The following SLMAP variants were observed in gnomAD, a reference collection of about 807,000 sequenced individuals.
The protein encoded by SLMAP is sarcolemmal membrane-associated protein.
SLMAP carries 44 observed loss-of-function variants against 128.8 expected under a neutral mutation model. The observed-to-expected ratio is 0.34, with a 90% CI of 0.27 to 0.44. The LOEUF (loss-of-function observed/expected upper bound fraction) is 0.44. Ranked by LOEUF, SLMAP falls within the 20% of genes least tolerant of loss-of-function variation. SLMAP has a pLI of 1.00. For missense variants in SLMAP, 787 were observed against 985.3 expected (o/e 0.80, Z 2.69); for synonymous variants, 327 against 348.8 (o/e 0.94, Z 0.70).
chr3:57,850,924 GGC>G (rs1308617187), intron 6 of SLMAP, among the ~76,000 whole-genome samples: 2 of 152,142 alleles, frequency 1.3e-5, no homozygotes, highest in African/African-American at 2.4e-5. Context: ...CATGAGCCAT[GGC>G]GCCCGGCCCA....
At chr3:57,876,766 C>G (rs994316494) in intron 14 of SLMAP, among the ~76,000 whole-genome samples, 1 of 152,178 alleles carries the variant, frequency 6.6e-6, no homozygotes, top group South Asian at 2.1e-4. Flanking sequence ...TTAACTTGTA[C>G]GCGTGGTGGA....
At chr3:57,829,191 G>T (rs1351804641) in intron 2 of SLMAP, among the ~76,000 whole-genome samples, 1 of 152,064 alleles carries the variant, frequency 6.6e-6, no homozygotes, top group African/African-American at 2.4e-5. Flanking sequence ...GTATATATAT[G>T]TACATATATT....
At chr3:57,807,564 T>C (rs2090132224) in intron 2 of SLMAP, among the ~76,000 whole-genome samples, 3 of 152,206 alleles carry the variant, frequency 2.0e-5, no homozygotes, top group East Asian at 1.9e-4. Context: ...GTTTTTGTTA[T>C]TGGTTCTGTT....
chr3:57,856,982 G>A (rs888281270), intron 6 of SLMAP, among the ~76,000 whole-genome samples: 1 of 152,030 alleles, frequency 6.6e-6, no homozygotes, highest in African/African-American at 2.4e-5. Flanking sequence ...CTGAAATGTT[G>A]TTTTGTGGTG....
At chr3:57,788,854 T>C (rs1020137109) in intron 2 of SLMAP, among the ~76,000 whole-genome samples, 7 of 150,478 alleles carry the variant, frequency 4.7e-5, no homozygotes, top group African/African-American at 1.7e-4. Context: ...AAGAAGGCAG[T>C]GAGTTAGGGA....
intron 5 of SLMAP, 63 bp from the exon 6 acceptor site, chr3:57,849,691 T>C: frequency 2.3e-6 from 2 of 864,246 alleles, no homozygotes; most frequent in Admixed American, 3.9e-5. Context: ...TTTCAAGAAA[T>C]TGGTTTGTCT....
At position 57,871,625 on chromosome 3, in the gene SLMAP, T is replaced by G. The variant is rs774770185; in HGVS notation, c.1238-11T>G. 6.2e-7 allele frequency: 1 copy of G among 1,609,462 alleles called. No homozygotes were observed. Among genetic ancestry groups the G allele is most frequent in the South Asian group, 1.1e-5 (1 of 90,800 alleles). Reference sequence around the variant, plus strand: ...AAACTATATCCTTAAAGGTGTTTCTTTCTTTATTAGAGCACTTGCTTTCAA... The same window carrying G: ...AAACTATATCCTTAAAGGTGTTTCTGTCTTTATTAGAGCACTTGCTTTCAA... On this transcript the variant is annotated splice_polypyrimidine_tract_variant and intron_variant, in intron 13 of 24. Transcript: ENST00000671191.
At chr3:57,870,451 C>G (rs953403472) in intron 13 of SLMAP, among the ~76,000 whole-genome samples, 7 of 151,998 alleles carry the variant, frequency 4.6e-5, no homozygotes, top group African/African-American at 1.7e-4. Flanking sequence ...GTGCATTGGT[C>G]TCTCCAAAAC....
At chr3:57,914,212 C>T (rs770173138) in intron 21 of SLMAP, among the ~76,000 whole-genome samples, 22 of 151,886 alleles carry the variant, frequency 1.4e-4, no homozygotes, top group Non-Finnish European at 2.8e-4. Context: ...TTATTCCGGC[C>T]GGGTGTGGAC....
chr3:57,816,565 A>G (rs2091885441), intron 2 of SLMAP, among the ~76,000 whole-genome samples: 1 of 152,196 alleles, frequency 6.6e-6, no homozygotes, highest in South Asian at 2.1e-4. Context: ...TATGAATTAC[A>G]TCATTTATTG....
At chr3:57,906,666 GAA>G (rs1206959758) in intron 17 of SLMAP, among the ~76,000 whole-genome samples, 3,337 of 24,686 alleles carry the variant, frequency 0.14, 127 homozygotes, top group African/African-American at 0.3. Flanking sequence ...CTATGAATAT[GAA>G]AAAAAAATAT....
intron 2 of SLMAP, among the ~76,000 whole-genome samples, chr3:57,814,390 C>T (rs2091546476): frequency 6.6e-6 from 1 of 152,106 alleles, no homozygotes; most frequent in South Asian, 2.1e-4. Flanking sequence ...ATGCGCCCAC[C>T]TCAACCGCTC....
intron 2 of SLMAP, among the ~76,000 whole-genome samples, chr3:57,781,640 G>A (rs1039833021): frequency 6.6e-6 from 1 of 152,028 alleles, no homozygotes; most frequent in African/African-American, 2.4e-5. Flanking sequence ...AATAGGGATG[G>A]CAGGAAGTCT....
At chr3:57,918,641 A>T (rs1044102321) in intron 22 of SLMAP, among the ~76,000 whole-genome samples, 1 of 152,198 alleles carries the variant, frequency 6.6e-6, no homozygotes, top group Non-Finnish European at 1.5e-5. Context: ...TAGTTTAGTT[A>T]TAGCTATATA....
intron 14 of SLMAP, among the ~76,000 whole-genome samples, chr3:57,881,273 T>C (rs1478207646): frequency 2.0e-5 from 3 of 151,954 alleles, no homozygotes; most frequent in African/African-American, 7.3e-5. Flanking sequence ...TAGATAGGTC[T>C]TTGAAGACCT....
rs376234667 is a variant in SLMAP, at chr3:57,902,883, T to G, written c.1502-5001T>G. Among the ~76,000 whole-genome samples, 13 of 152,308 alleles carry G rather than the reference T, an allele frequency of 8.5e-5. 1 individual carries two copies. In the South Asian group the frequency reaches 2.7e-3, roughly 32 times the overall value. On this transcript the variant is annotated intron_variant, in intron 17 of 24. Coordinates refer to ENST00000671191, the MANE Select transcript of SLMAP (RefSeq NM_001377540.1). ...TAATTATCGTCAAAAGTGCTCTCTT[T>G]CATATTCAAAGCTGTCCCAATTTTA...
At chr3:57,877,344 T>A (rs1020238617) in intron 14 of SLMAP, among the ~76,000 whole-genome samples, 3 of 152,242 alleles carry the variant, frequency 2.0e-5, no homozygotes, top group African/African-American at 7.2e-5. Context: ...TTATTTTTCA[T>A]CACTCTGTGA....
intron 3 of SLMAP, among the ~76,000 whole-genome samples, chr3:57,839,278 A>G (rs567582955): frequency 6.6e-6 from 1 of 152,032 alleles, no homozygotes; most frequent in East Asian, 1.9e-4. Flanking sequence ...TTTTTATATA[A>G]TCAATTAGTA....
At chr3:57,841,414 AC>A (rs769872484) in intron 4 of SLMAP, 43 bp downstream of exon 4, 2 of 1,154,352 alleles carry the variant, frequency 1.7e-6, no homozygotes, top group Non-Finnish European at 1.3e-6. Flanking sequence ...GAAGTTTAGT[AC>A]TGTAAAGAAT....
Sources: allele counts gnomAD v4.1 joint callset (sites outside exome capture counted in the v4.1 genomes callset), GRCh38; gene constraint gnomAD v4.1.1; transcripts MANE v1.5; gene names NCBI Gene and HGNC (gene_info 2026-07-23, HGNC 2026-07-21).